Variants in NPAS2 observed in about 807,000 individuals in gnomAD.
NPAS2 encodes the protein neuronal PAS domain-containing protein 2.
A neutral mutation model predicts 107.5 loss-of-function variants in NPAS2; 23 were observed. The ratio of observed to expected loss-of-function variants is 0.21; its 90% CI spans 0.15 to 0.30. NPAS2 has a LOEUF of 0.30. Among genes scored for constraint, NPAS2 ranks in the 10% least tolerant of loss-of-function variants. The pLI is 1.00. For synonymous variants in NPAS2, 403 were observed against 417.5 expected (o/e 0.97, Z 0.42); for missense variants, 756 against 1,043.3 (o/e 0.72, Z 3.79).
At chr2:100,966,903 TTC>T (rs1676249620) in intron 10 of NPAS2, among the ~76,000 whole-genome samples, 1 of 152,102 alleles carries the variant, frequency 6.6e-6, no homozygotes, top group South Asian at 2.1e-4. Context: ...GGCTAGAACT[TTC>T]TCTTCTGTGG....
At chr2:100,928,251 G>A (rs1363264640) in intron 3 of NPAS2, among the ~76,000 whole-genome samples, 3 of 152,094 alleles carry the variant, frequency 2.0e-5, no homozygotes, top group African/African-American at 7.2e-5. Flanking sequence ...GGAACGAAGT[G>A]TTACAGCAGT....
At chr2:100,933,660 A>G (rs1487484397) in intron 4 of NPAS2, among the ~76,000 whole-genome samples, 1 of 152,216 alleles carries the variant, frequency 6.6e-6, no homozygotes, top group Non-Finnish European at 1.5e-5. Flanking sequence ...ATGTATTTGT[A>G]TATGGGTGAA....
At position 100,990,833 on chromosome 2, in the gene NPAS2, G is replaced by A; in HGVS notation, c.2072G>A (p.Arg691Lys). The change falls in exon 19 of 21, where the codon AGG (arginine) becomes AAG (lysine). Residue 691 changes from arginine to lysine, a missense_variant. Transcript: ENST00000335681. Reference protein sequence around the residue: ...QPMMPGSCDARQPSEVSRTGR... With the variant: ...QPMMPGSCDAKQPSEVSRTGR... ...ATGATGCCCGGGTCCTGTGACGCAA[G>A]GCAGCCCTCGGAAGTCAGCAGGACG... is the stretch of plus-strand genomic sequence containing the variant. 6.2e-7 allele frequency: 1 copy of A among 1,614,218 alleles called. No individual in the cohort carries two copies. Among genetic ancestry groups the A allele is most frequent in the Non-Finnish European group, 8.5e-7 (1 of 1,180,044 alleles).
rs200890084 is a variant in NPAS2 at position 100,975,541 on chromosome 2, G to A, written c.1366G>A (p.Gly456Arg). 62 of 1,612,170 alleles carry A rather than the reference G, an allele frequency of 3.8e-5. No homozygotes were observed. The highest frequency in any genetic ancestry group is 3.3e-4 in the Admixed American group (20 of 59,776). Residue 456 changes from glycine (G) to arginine (R), a missense_variant, in exon 14 of 21, where the codon GGG (glycine) becomes AGG (arginine). Physicochemically the swap from Gly to Arg is moderately radical, Grantham distance 125. Transcript: ENST00000335681. ...ATLPQELPVPGLSQAATMPAP... is the reference protein window; with the variant it reads ...ATLPQELPVPRLSQAATMPAP... ...CCTGCCCCAAGAGTTACCTGTCCCC[G>A]GGCTCAGCCAGGCAGCCACCATGCC...
intron 7 of NPAS2, among the ~76,000 whole-genome samples, chr2:100,961,250 G>A (rs1238441312): frequency 6.6e-6 from 1 of 152,190 alleles, no homozygotes; most frequent in African/African-American, 2.4e-5. Flanking sequence ...AAGTCCCAGG[G>A]AGCAGTTTGC....
rs1392149305 is a variant in NPAS2, at chr2:100,976,190, G to A, written c.1392+623G>A. ...GGCACTTCTCTGCTCCTTGGTGTCGGGGATCTCGTGGGCCTAGGCTATGGA... is the reference window on the plus strand; with the variant it reads ...GGCACTTCTCTGCTCCTTGGTGTCGAGGATCTCGTGGGCCTAGGCTATGGA... On this transcript the variant is annotated intron_variant, in intron 14 of 20. Transcript: ENST00000335681. The surrounding 1 kb of genome is among the most constrained non-coding windows in gnomAD (Gnocchi z 4.1). Among the ~76,000 whole-genome samples, 1 of 151,898 alleles carries A rather than the reference G, an allele frequency of 6.6e-6. No individual in the cohort carries two copies. Among genetic ancestry groups the A allele is most frequent in the Non-Finnish European group, 1.5e-5 (1 of 67,994 alleles).
At chr2:100,917,766 GA>G in intron 2 of NPAS2, among the ~76,000 whole-genome samples, 1 of 152,166 alleles carries the variant, frequency 6.6e-6, no homozygotes, top group South Asian at 2.1e-4. Flanking sequence ...AGATGAACGA[GA>G]AAACCTAGAG....
chr2:100,958,433 C>A (rs942289150), intron 7 of NPAS2, among the ~76,000 whole-genome samples: 1 of 152,172 alleles, frequency 6.6e-6, no homozygotes, highest in Non-Finnish European at 1.5e-5. Context: ...TGGACGGCTT[C>A]GTGGAAGGAG....
At chr2:100,988,657 T>C in intron 17 of NPAS2, 1 of 323,490 alleles carries the variant, frequency 3.1e-6, no homozygotes, top group Non-Finnish European at 5.9e-6. Flanking sequence ...CCATCTACTC[T>C]GGTTTTAACC....
At chr2:100,975,699 G>T (rs763067843) in intron 14 of NPAS2, 132 bp downstream of exon 14, 4 of 589,516 alleles carry the variant, frequency 6.8e-6, no homozygotes, top group African/African-American at 2.0e-5. Flanking sequence ...GGTGGCAGAT[G>T]GGGGTGGGAA....
chr2:100,821,032 T>C, intron 1 of NPAS2: 1 of 1,303,098 alleles, frequency 7.7e-7, no homozygotes, highest in Non-Finnish European at 1.0e-6. Flanking sequence ...GTTGGATGTA[T>C]GCGTATGGTT....
intron 1 of NPAS2, among the ~76,000 whole-genome samples, chr2:100,898,664 T>C (rs561847265): frequency 6.6e-6 from 1 of 152,280 alleles, no homozygotes; most frequent in East Asian, 1.9e-4. Flanking sequence ...ATGGCTCCAA[T>C]TGTTAATCTG....
intron 1 of NPAS2, among the ~76,000 whole-genome samples, chr2:100,900,002 T>C (rs575726088): frequency 1.3e-5 from 2 of 152,186 alleles, no homozygotes; most frequent in Non-Finnish European, 2.9e-5. Flanking sequence ...TGATGAAGCT[T>C]CTAGAGGAAA....
rs1479286316 is a variant in NPAS2, at chr2:100,995,337, G to C, written c.2293-63G>C. The C allele has an allele frequency of 3.4e-6, 5 of 1,453,794 alleles. No individual in the cohort carries two copies. In the East Asian group the frequency reaches 1.1e-4, roughly 33 times the overall value. The allele number at this position is 1,453,794 out of a possible 1,614,324, so 90.1% of individuals were successfully genotyped here. A position where few individuals can be genotyped will look rare whatever the true frequency, so the allele number is the denominator to read the frequency against. On this transcript the variant is annotated intron_variant, in intron 20 of 20. Coordinates refer to ENST00000335681, the MANE Select transcript of NPAS2 (RefSeq NM_002518.4). Reference sequence around the variant, plus strand: ...CCTGCAGCATGCCCCGCACTGCCTTGTAAGACAGTTGAGGAGCGGACATCA... The same window carrying C: ...CCTGCAGCATGCCCCGCACTGCCTTCTAAGACAGTTGAGGAGCGGACATCA...
intron 1 of NPAS2, among the ~76,000 whole-genome samples, chr2:100,885,731 A>G (rs1680658761): frequency 6.6e-6 from 1 of 152,138 alleles, no homozygotes; most frequent in Non-Finnish European, 1.5e-5. Context: ...CTGGCATGCA[A>G]TGGTGTGATC....
At chr2:100,929,212 G>T (rs1198613596) in intron 3 of NPAS2, among the ~76,000 whole-genome samples, 1 of 152,202 alleles carries the variant, frequency 6.6e-6, no homozygotes, top group African/African-American at 2.4e-5. Context: ...GCCCATGGCA[G>T]CACTTTGAGT....
At chr2:100,852,089 C>T (rs542066893) in intron 1 of NPAS2, among the ~76,000 whole-genome samples, 1 of 152,202 alleles carries the variant, frequency 6.6e-6, no homozygotes, top group South Asian at 2.1e-4. Context: ...GATAACTTGC[C>T]TTGGGTTTAG....
At chr2:100,861,278 T>A (rs1678925028) in intron 1 of NPAS2, among the ~76,000 whole-genome samples, 1 of 152,012 alleles carries the variant, frequency 6.6e-6, no homozygotes, top group Non-Finnish European at 1.5e-5. Context: ...GAGGAGCACA[T>A]TGAAGAGAAG....
chr2:100,837,285 A>C (rs571882744), intron 1 of NPAS2, among the ~76,000 whole-genome samples: 1 of 152,168 alleles, frequency 6.6e-6, no homozygotes, highest in South Asian at 2.1e-4. Flanking sequence ...TCTTTCTTAT[A>C]CCTAACTAGG....
Sources: gnomAD v4.1 joint callset for allele counts (sites outside exome capture counted in the v4.1 genomes callset) on GRCh38, gnomAD v4.1.1 for gene constraint, Gnocchi (gnomAD v3.1) non-coding constraint, MANE v1.5 for transcripts, NCBI Gene and HGNC (gene_info 2026-07-23, HGNC 2026-07-21) for gene names.